TOPBP1: variants seen among roughly 807,000 people sequenced by gnomAD.
TOPBP1 encodes DNA topoisomerase 2-binding protein 1.
Under a neutral mutation model 167.7 loss-of-function variants are expected in TOPBP1, and 28 were observed. The observed-to-expected ratio is 0.17, with a 90% CI of 0.12 to 0.23. TOPBP1 has a LOEUF of 0.23. Ranked by LOEUF, TOPBP1 falls within the 10% of genes least tolerant of loss-of-function variation. The pLI is 1.00. For synonymous variants in TOPBP1, 598 were observed against 611.4 expected, an observed-to-expected ratio of 0.98 and a Z score of 0.32; for missense variants, 1,554 against 1,809.6, an observed-to-expected ratio of 0.86 and a Z score of 2.56.
At chr3:133,615,795 A>G (rs1208548099) in intron 23 of TOPBP1, among the ~76,000 whole-genome samples, 1 of 145,236 alleles carries the variant, frequency 6.9e-6, no homozygotes, top group Non-Finnish European at 1.5e-5. Context: ...TATTTTTGAG[A>G]TGGGGTCTCA....
intron 17 of TOPBP1, 29 bp from the exon 18 acceptor site, chr3:133,623,486 G>C (rs1935167714): frequency 1.3e-6 from 2 of 1,574,654 alleles, no homozygotes; most frequent in Non-Finnish European, 1.7e-6. Flanking sequence ...CTTTAAGACA[G>C]GACTGACAAA....
chr3:133,609,613 C>G (rs537577029), intron 25 of TOPBP1, among the ~76,000 whole-genome samples: 6 of 152,232 alleles, frequency 3.9e-5, no homozygotes, highest in Admixed American at 3.9e-4. Context: ...ATGCTGTTCT[C>G]CTGATAGTGA....
At chr3:133,617,518 A>T (rs1934940234) in intron 21 of TOPBP1, 192 bp from the exon 22 acceptor site, 2 of 482,614 alleles carry the variant, frequency 4.1e-6, no homozygotes, top group East Asian at 6.9e-5. Flanking sequence ...TGACAATAAT[A>T]ACAATAAAGA....
In TOPBP1 at chr3:133,638,071, T is replaced by G. The variant is rs1935738765; in HGVS notation, c.2325A>C (p.Lys775Asn). The G allele has an allele frequency of 6.2e-7, 1 of 1,613,992 alleles. No individual in the cohort carries two copies. The highest frequency in any genetic ancestry group is 1.3e-5 in the African/African-American group (1 of 75,036). ...HPGTRLQTHR[K>N]TVVTPLDMNR... ...TCATATCTAAAGGTGTAACGACGGT[T>G]TTTCTGTGAGTTTGCAGGCGTGTGC... The change falls in exon 14 of 28, where the codon AAA becomes AAC. Residue 775 changes from lysine to asparagine, a missense_variant. This residue lies in a region of TOPBP1 where 1,197 missense variants were observed against 1,351.5 expected (regional missense o/e 0.89). Transcript: ENST00000260810.
At chr3:133,610,490 T>C (rs1576678433) in intron 25 of TOPBP1, among the ~76,000 whole-genome samples, 1 of 151,724 alleles carries the variant, frequency 6.6e-6, no homozygotes. Flanking sequence ...TTCAAGATGC[T>C]TGCAATTACA....
rs1388018041 is a variant in TOPBP1, at chr3:133,618,359, G to A, written c.3446C>T (p.Thr1149Ile). 10 of 1,613,962 alleles carry A rather than the reference G, an allele frequency of 6.2e-6. No homozygotes were observed. Among genetic ancestry groups the A allele is most frequent in the Non-Finnish European group, 8.5e-6 (10 of 1,179,854 alleles). ...AAGCCTTGCTCTCTCCTCCCTTGCT[G>A]TAGGGTCATCCCAAATGATCTGTTC... ...QNEQIIWDDP[T>I]AREERARLAS... is the part of the protein sequence containing the mutation. The change falls in exon 21 of 28, where the codon ACA (threonine) becomes ATA (isoleucine). Residue 1149 changes from threonine (T) to isoleucine (I), a missense_variant. This residue lies in a region of TOPBP1 where 6 missense variants were observed against 25.2 expected (regional missense o/e 0.24). Coordinates refer to ENST00000260810, the MANE Select transcript of TOPBP1 (RefSeq NM_007027.4).
chr3:133,660,386 C>A (rs1936653112), intron 2 of TOPBP1, among the ~76,000 whole-genome samples: 1 of 152,188 alleles, frequency 6.6e-6, no homozygotes, highest in Non-Finnish European at 1.5e-5. Context: ...AAATCTTTGC[C>A]TGTTCTCATC....
At chr3:133,629,177 A>T (rs992694384) in intron 14 of TOPBP1, among the ~76,000 whole-genome samples, 1 of 152,220 alleles carries the variant, frequency 6.6e-6, no homozygotes, top group Non-Finnish European at 1.5e-5. Context: ...AAAAATCTTC[A>T]AAAGTTCAAA....
At chr3:133,636,425 T>C (rs1330911768) in intron 14 of TOPBP1, among the ~76,000 whole-genome samples, 6 of 152,226 alleles carry the variant, frequency 3.9e-5, no homozygotes, top group Middle Eastern at 3.4e-3. Flanking sequence ...TATAAGATTA[T>C]AGATGAAGCA....
At chr3:133,650,410 C>T (rs1390342319) in intron 8 of TOPBP1, among the ~76,000 whole-genome samples, 1 of 151,510 alleles carries the variant, frequency 6.6e-6, no homozygotes, top group Non-Finnish European at 1.5e-5. Context: ...CTATGATTAA[C>T]GACAATAGGC....
At chr3:133,630,987 T>C (rs574193176) in intron 14 of TOPBP1, among the ~76,000 whole-genome samples, 1 of 152,058 alleles carries the variant, frequency 6.6e-6, no homozygotes, top group South Asian at 2.1e-4. Context: ...AGCCCAGGAG[T>C]TCTAGACCAG....
chr3:133,613,503 C>A (rs563188618), intron 23 of TOPBP1, among the ~76,000 whole-genome samples: 64 of 152,278 alleles, frequency 4.2e-4, no homozygotes, highest in African/African-American at 1.3e-3. Context: ...ATAGGGGCAT[C>A]TGCAGACTTT....
intron 27 of TOPBP1, among the ~76,000 whole-genome samples, chr3:133,604,872 T>C (rs1283095378): frequency 6.6e-6 from 1 of 151,668 alleles, no homozygotes; most frequent in Non-Finnish European, 1.5e-5. Context: ...TGAGCTGATA[T>C]TGCCCCACTG....
rs749477698 is a variant in TOPBP1, at chr3:133,617,254, G to C, written c.3665C>G (p.Pro1222Arg). 3.7e-6 allele frequency: 6 copies of C among 1,613,716 alleles called. No individual in the cohort carries two copies. Among genetic ancestry groups the C allele is most frequent in the Non-Finnish European group, 5.1e-6 (6 of 1,179,846 alleles). ...KHPISEELET[P>R]IKDSHLIPTP... The stretch of plus-strand genomic sequence containing the variant: ...AGGGATCAGGTGGCTGTCTTTTATG[G>C]GAGTTTCCAGTTCTTCAGAGATTGG... The change falls in exon 22 of 28, where the codon CCC (proline) becomes CGC (arginine). Residue 1222 changes from proline (P) to arginine (R), a missense_variant. By Grantham distance (103) the Pro-to-Arg change is moderately radical. Transcript: ENST00000260810.
intron 10 of TOPBP1, among the ~76,000 whole-genome samples, chr3:133,648,535 C>A (rs544520925): frequency 6.6e-6 from 1 of 152,204 alleles, no homozygotes; most frequent in Non-Finnish European, 1.5e-5. Context: ...CAGTGGCTCA[C>A]GCCCGTAATC....
chr3:133,660,211 C>A (rs1374270950), intron 2 of TOPBP1, among the ~76,000 whole-genome samples: 1 of 152,172 alleles, frequency 6.6e-6, no homozygotes, highest in Non-Finnish European at 1.5e-5. Flanking sequence ...CTTCATAAAG[C>A]CTACCCTGAT....
chr3:133,628,558 ACCTTCTC>A lies in TOPBP1; in HGVS notation c.2689_2694+1del. 6.2e-7 allele frequency: 1 copy of A among 1,610,330 alleles called. No individual in the cohort carries two copies. Among genetic ancestry groups the A allele is most frequent in the Non-Finnish European group, 8.5e-7 (1 of 1,178,232 alleles). ...TCCTTTTAATAAGAGAACTAATCCTACCTTCTCTGACTGGGCCTCTTTCAGTTGAGGG... is the reference window on the plus strand; with the variant it reads ...TCCTTTTAATAAGAGAACTAATCCTATGACTGGGCCTCTTTCAGTTGAGGG... On this transcript the variant is annotated splice_donor_variant and coding_sequence_variant, in exon 15 of 28. Coordinates refer to ENST00000260810, the MANE Select transcript of TOPBP1 (RefSeq NM_007027.4). LOFTEE classifies it high-confidence loss of function.
chr3:133,622,066 A>G (rs1935105465), intron 19 of TOPBP1, among the ~76,000 whole-genome samples: 1 of 152,008 alleles, frequency 6.6e-6, no homozygotes, highest in Non-Finnish European at 1.5e-5. Context: ...GAAGGAAGGA[A>G]GAAAAGCAAG....
At chr3:133,660,270 C>T (rs1936644764) in intron 2 of TOPBP1, among the ~76,000 whole-genome samples, 1 of 152,186 alleles carries the variant, frequency 6.6e-6, no homozygotes, top group Non-Finnish European at 1.5e-5. Context: ...CCCCAAGAAA[C>T]ATCCTCTGGA....
Sources: gnomAD v4.1 joint callset for allele counts (sites outside exome capture counted in the v4.1 genomes callset) on GRCh38, gnomAD v4.1.1 for gene constraint, gnomAD v4.1.1 regional missense constraint, MANE v1.5 for transcripts, NCBI Gene and HGNC (gene_info 2026-07-23, HGNC 2026-07-21) for gene names.